Variants in PATJ observed in about 807,000 individuals in gnomAD.
The protein encoded by PATJ is PATJ crumbs cell polarity complex component.
In PATJ, 190 loss-of-function variants were observed where a neutral mutation model predicts 224.9. The ratio of observed to expected loss-of-function variants is 0.84; its 90% CI spans 0.75 to 0.95. The LOEUF is 0.95. Ranked by LOEUF, PATJ falls within the 40% of genes least tolerant of loss-of-function variation. The pLI is 0.00. For missense variants in PATJ, 2,121 were observed against 2,270.3 expected, an observed-to-expected ratio of 0.93 and a Z score of 1.34; for synonymous variants, 769 against 820.3, an observed-to-expected ratio of 0.94 and a Z score of 1.07.
chr1:62,084,676 A>G, intron 33 of PATJ, 28 bp downstream of exon 33: 5 of 1,610,684 alleles, frequency 3.1e-6, no homozygotes, highest in Non-Finnish European at 4.2e-6. Flanking sequence ...AAATGTATCC[A>G]CTGTCATAGA....
chr1:62,078,769 C>T (rs564949972), intron 31 of PATJ: 33 of 151,844 alleles, frequency 2.2e-4, no homozygotes, highest in African/African-American at 7.7e-4. Flanking sequence ...CTTTCTTGTT[C>T]ATTCATTCAT....
At chr1:62,102,963 A>T (rs1266574909) in intron 33 of PATJ, among the ~76,000 whole-genome samples, 4 of 151,942 alleles carry the variant, frequency 2.6e-5, no homozygotes, top group African/African-American at 9.7e-5. Flanking sequence ...CAAACCCCTA[A>T]CCATGTGCCA....
chr1:62,025,928 T>C (rs961190880), intron 29 of PATJ, among the ~76,000 whole-genome samples: 2 of 152,184 alleles, frequency 1.3e-5, no homozygotes, highest in Non-Finnish European at 2.9e-5. Context: ...CCTGCCAGCC[T>C]GCACTGCCAA....
intron 5 of PATJ, among the ~76,000 whole-genome samples, chr1:61,770,189 AAT>A (rs1646520394): frequency 6.6e-6 from 1 of 152,236 alleles, no homozygotes; most frequent in Non-Finnish European, 1.5e-5. Context: ...TTTCAAACAT[AAT>A]GAGTTTCCGT....
At chr1:61,915,370 T>C (rs1673302086) in intron 26 of PATJ, among the ~76,000 whole-genome samples, 1 of 152,230 alleles carries the variant, frequency 6.6e-6, no homozygotes, top group Non-Finnish European at 1.5e-5. Context: ...TCTATCCCAG[T>C]ACAAATGCTG....
At chr1:62,098,366 A>AAAAAAAAC (rs1437783438) in intron 33 of PATJ, among the ~76,000 whole-genome samples, 1 of 151,430 alleles carries the variant, frequency 6.6e-6, no homozygotes, top group South Asian at 2.1e-4. Context: ...CTCAAAAAAA[A>AAAAAAAAC]AAAGAAAAAA....
At chr1:61,784,437 A>AT in intron 7 of PATJ, among the ~76,000 whole-genome samples, 1 of 152,350 alleles carries the variant, frequency 6.6e-6, no homozygotes, top group South Asian at 2.1e-4. Context: ...AATCTGACTA[A>AT]TGACTATTTT....
At chr1:62,145,344 A>G (rs1172600952) in intron 41 of PATJ, among the ~76,000 whole-genome samples, 1 of 152,230 alleles carries the variant, frequency 6.6e-6, no homozygotes, top group Non-Finnish European at 1.5e-5. Context: ...AGATGTATGC[A>G]GTTCATTAGA....
At chr1:61,999,583 G>C (rs549531034) in intron 28 of PATJ, among the ~76,000 whole-genome samples, 1 of 151,952 alleles carries the variant, frequency 6.6e-6, no homozygotes, top group Non-Finnish European at 1.5e-5. Flanking sequence ...CACAAGAATC[G>C]TTTGAACCTA....
chr1:61,781,190 T>C (rs1432551313), intron 7 of PATJ, among the ~76,000 whole-genome samples: 2 of 152,206 alleles, frequency 1.3e-5, no homozygotes, highest in Non-Finnish European at 2.9e-5. Context: ...AAGTTAATCC[T>C]AGTGTTTTCC....
chr1:61,874,047 C>A (rs1230385394), intron 20 of PATJ, among the ~76,000 whole-genome samples: 2 of 152,092 alleles, frequency 1.3e-5, no homozygotes, highest in Non-Finnish European at 2.9e-5. Context: ...AGACAAGAAC[C>A]CAGATTAGCT....
At chr1:62,075,635 A>G (rs1213513399) in intron 31 of PATJ, among the ~76,000 whole-genome samples, 3 of 152,080 alleles carry the variant, frequency 2.0e-5, no homozygotes, top group Non-Finnish European at 2.9e-5. Context: ...AACACTGACA[A>G]GGGCCGGGCG....
intron 27 of PATJ, among the ~76,000 whole-genome samples, chr1:61,943,563 G>C (rs916642239): frequency 6.6e-6 from 1 of 152,182 alleles, no homozygotes; most frequent in Non-Finnish European, 1.5e-5. Context: ...GCTGAGGCTT[G>C]AGTAGGTAAA....
chr1:62,127,265 G>C (rs1665809821), intron 39 of PATJ, among the ~76,000 whole-genome samples: 1 of 152,228 alleles, frequency 6.6e-6, no homozygotes, highest in African/African-American at 2.4e-5. Flanking sequence ...CTGCTGGACA[G>C]ATGCACTTGT....
intron 32 of PATJ, among the ~76,000 whole-genome samples, chr1:62,083,930 C>T (rs1659608601): frequency 6.6e-6 from 1 of 151,948 alleles, no homozygotes; most frequent in African/African-American, 2.4e-5. Context: ...GTAATTTTTC[C>T]ATACAGATTT....
chr1:61,835,870 G>A (rs1040691385), intron 17 of PATJ, among the ~76,000 whole-genome samples: 1 of 152,150 alleles, frequency 6.6e-6, no homozygotes, highest in Admixed American at 6.5e-5. Context: ...TAATTTAGAA[G>A]ATACCTTTCA....
At chr1:61,877,544 AG>A (rs1314589653) in intron 21 of PATJ, among the ~76,000 whole-genome samples, 1 of 151,944 alleles carries the variant, frequency 6.6e-6, no homozygotes, top group African/African-American at 2.4e-5. Context: ...CATGATAGTG[AG>A]TGAATTTTCA....
chr1:62,114,299 T>G, intron 35 of PATJ, 53 bp downstream of exon 35: 2 of 1,452,598 alleles, frequency 1.4e-6, no homozygotes, highest in Non-Finnish European at 1.9e-6. Context: ...AGAGCTCTGA[T>G]GCCTGTGAAC....
chr1:61,973,714 A>G (rs1229543120), intron 27 of PATJ, among the ~76,000 whole-genome samples: 1 of 151,978 alleles, frequency 6.6e-6, no homozygotes, highest in Non-Finnish European at 1.5e-5. Context: ...CACCACTTTC[A>G]TAGTGATTAA....
Sources: gnomAD v4.1 joint callset for allele counts (sites outside exome capture counted in the v4.1 genomes callset) on GRCh38, gnomAD v4.1.1 for gene constraint, MANE v1.5 for transcripts, NCBI Gene and HGNC (gene_info 2026-07-23, HGNC 2026-07-21) for gene names.